LRRC4C: variants seen among roughly 807,000 people sequenced by gnomAD.
LRRC4C encodes leucine-rich repeat-containing protein 4C.
A neutral mutation model predicts 33.6 loss-of-function variants in LRRC4C; 5 were observed. The observed-to-expected ratio is 0.15, with a 90% CI of 0.08 to 0.31. The LOEUF is 0.31. Ranked by LOEUF, LRRC4C falls within the 10% of genes least tolerant of loss-of-function variation. The pLI is 1.00. For synonymous variants in LRRC4C, 329 were observed against 302.0 expected (o/e 1.09, Z -0.93); for missense variants, 560 against 796.7 (o/e 0.70, Z 3.58).
chr11:40,842,015 T>C (rs1251214644), intron 2 of LRRC4C, among the ~76,000 whole-genome samples: 1 of 152,210 alleles, frequency 6.6e-6, no homozygotes, highest in Non-Finnish European at 1.5e-5. Flanking sequence ...TATGCTGTTG[T>C]CAAGTGATTA....
intron 5 of LRRC4C, among the ~76,000 whole-genome samples, chr11:40,167,759 A>C (rs932856643): frequency 2.0e-4 from 31 of 151,968 alleles, no homozygotes; most frequent in African/African-American, 7.2e-4. Flanking sequence ...CTTCAAACCT[A>C]CTCACCCTTA....
At chr11:40,863,939 C>CT (rs145249585) in intron 2 of LRRC4C, among the ~76,000 whole-genome samples, 1 of 151,966 alleles carries the variant, frequency 6.6e-6, no homozygotes, top group Non-Finnish European at 1.5e-5. Flanking sequence ...GCATGTTCTC[C>CT]TTTTTTCATC....
At chr11:41,231,376 T>C (rs1396633398) in intron 1 of LRRC4C, among the ~76,000 whole-genome samples, 1 of 152,048 alleles carries the variant, frequency 6.6e-6, no homozygotes, top group Middle Eastern at 3.4e-3. Context: ...CAAATGTCCA[T>C]CAATGATAGA....
intron 1 of LRRC4C, among the ~76,000 whole-genome samples, chr11:41,102,014 A>G (rs1398382455): frequency 6.6e-6 from 1 of 152,058 alleles, no homozygotes; most frequent in African/African-American, 2.4e-5. Context: ...AGAAGAACAG[A>G]AAAAAATAAC....
At chr11:41,137,193 G>A (rs936755454) in intron 1 of LRRC4C, among the ~76,000 whole-genome samples, 1 of 151,914 alleles carries the variant, frequency 6.6e-6, no homozygotes, top group African/African-American at 2.4e-5. Context: ...AGTGAGCTGA[G>A]ATCATGCCAC....
At chr11:41,446,546 G>A (rs1277175908) in intron 1 of LRRC4C, among the ~76,000 whole-genome samples, 2 of 151,912 alleles carry the variant, frequency 1.3e-5, no homozygotes, top group Non-Finnish European at 2.9e-5. Flanking sequence ...ACTTCCACTA[G>A]GCTGGATGGG....
At chr11:41,371,775 C>G (rs1407310052) in intron 1 of LRRC4C, among the ~76,000 whole-genome samples, 1 of 152,120 alleles carries the variant, frequency 6.6e-6, no homozygotes, top group East Asian at 1.9e-4. Flanking sequence ...TTTTGCTAGG[C>G]AAACAAGAGA....
chr11:41,276,716 C>G (rs186456813), intron 1 of LRRC4C, among the ~76,000 whole-genome samples: 440 of 152,192 alleles, frequency 2.9e-3, no homozygotes, highest in Non-Finnish European at 4.7e-3. Flanking sequence ...TTTTGAGTTA[C>G]AAGATTATCC....
At chr11:41,440,396 G>T (rs930562139) in intron 1 of LRRC4C, among the ~76,000 whole-genome samples, 2 of 152,074 alleles carry the variant, frequency 1.3e-5, no homozygotes, top group African/African-American at 4.8e-5. Flanking sequence ...AAAAGAAACA[G>T]ATTCCAGATA....
chr11:41,060,868 C>A (rs1162584281), intron 1 of LRRC4C, among the ~76,000 whole-genome samples: 1 of 152,076 alleles, frequency 6.6e-6, no homozygotes, highest in Non-Finnish European at 1.5e-5. Flanking sequence ...TGCAGCCAAT[C>A]AATACCCGTA....
chr11:40,428,718 G>T (rs1023346333), intron 3 of LRRC4C, among the ~76,000 whole-genome samples: 7 of 152,170 alleles, frequency 4.6e-5, no homozygotes, highest in Admixed American at 3.9e-4. Context: ...CTCACTCTTA[G>T]CTCAGTCATT....
At chr11:41,114,076 T>C (rs1372391796) in intron 1 of LRRC4C, among the ~76,000 whole-genome samples, 2 of 152,106 alleles carry the variant, frequency 1.3e-5, no homozygotes, top group African/African-American at 4.8e-5. Context: ...TTCTGAACTC[T>C]CGAAAATATA....
At chr11:40,780,119 A>G (rs1056650990) in intron 2 of LRRC4C, among the ~76,000 whole-genome samples, 4 of 152,172 alleles carry the variant, frequency 2.6e-5, no homozygotes, top group Non-Finnish European at 5.9e-5. Flanking sequence ...AAAATACTAA[A>G]ATATTAAAAG....
At chr11:40,576,405 T>C (rs1387352636) in intron 3 of LRRC4C, among the ~76,000 whole-genome samples, 2 of 152,224 alleles carry the variant, frequency 1.3e-5, no homozygotes, top group African/African-American at 4.8e-5. Flanking sequence ...ATTTTTAGCC[T>C]GGACTTGGCC....
chr11:41,154,739 T>C (rs971777221), intron 1 of LRRC4C, among the ~76,000 whole-genome samples: 1 of 152,170 alleles, frequency 6.6e-6, no homozygotes, highest in Admixed American at 6.6e-5. Flanking sequence ...CTAAGATGTG[T>C]TGAGTCACAC....
chr11:40,972,652 T>C (rs1160488604), intron 1 of LRRC4C, among the ~76,000 whole-genome samples: 1 of 151,814 alleles, frequency 6.6e-6, no homozygotes, highest in Non-Finnish European at 1.5e-5. Flanking sequence ...CACAAGGCGG[T>C]GGTAGAGAGA....
chr11:40,803,849 T>A (rs1213447403), intron 2 of LRRC4C, among the ~76,000 whole-genome samples: 4 of 152,182 alleles, frequency 2.6e-5, no homozygotes, highest in Non-Finnish European at 4.4e-5. Context: ...AGGCATGCAA[T>A]GCATAATAAT....
chr11:40,912,396 A>G (rs1303324444), intron 2 of LRRC4C, among the ~76,000 whole-genome samples: 2 of 152,230 alleles, frequency 1.3e-5, no homozygotes, highest in African/African-American at 4.8e-5. Flanking sequence ...AATATTCAAC[A>G]TTCTTAAAGA....
chr11:40,299,663 T>G (rs938078773), intron 4 of LRRC4C, among the ~76,000 whole-genome samples: 2 of 152,222 alleles, frequency 1.3e-5, no homozygotes, highest in African/African-American at 4.8e-5. Flanking sequence ...TATTTTAACA[T>G]GTATTGGGAC....
Sources: allele counts gnomAD v4.1 joint callset (sites outside exome capture counted in the v4.1 genomes callset), GRCh38; gene constraint gnomAD v4.1.1; transcripts MANE v1.5; gene names NCBI Gene and HGNC (gene_info 2026-07-23, HGNC 2026-07-21).